Variants in ERC2 observed in about 807,000 individuals in gnomAD.
ERC2 encodes ELKS/RAB6-interacting/CAST family member 2, also known as ERC protein 2.
Under a neutral mutation model 114.8 loss-of-function variants are expected in ERC2, and 42 were observed. The observed-to-expected ratio is 0.37, with a 90% CI of 0.29 to 0.47. The LOEUF is 0.47. ERC2 is among the 20% of genes least tolerant of loss of function. ERC2 has a pLI of 0.99. For missense variants in ERC2, 939 were observed against 1,150.7 expected, an observed-to-expected ratio of 0.82 and a Z score of 2.66; for synonymous variants, 454 against 425.5, an observed-to-expected ratio of 1.07 and a Z score of -0.82.
rs114326908 is a variant in ERC2 at position 55,767,291 on chromosome 3, C to G, written c.2565-32373G>C. Reference sequence around the variant, plus strand: ...GGTTTTTGCCAAGGGTGCCAGCTTCCAAGTCACTACTACTTTTTTCCATTG... The same window carrying G: ...GGTTTTTGCCAAGGGTGCCAGCTTCGAAGTCACTACTACTTTTTTCCATTG... On this transcript the variant is annotated intron_variant, in intron 14 of 17. Transcript: ENST00000288221. Among the ~76,000 whole-genome samples the G allele has an allele frequency of 4.5e-3, 678 of 152,270 alleles. 7 individuals carry two copies. Among genetic ancestry groups the G allele is most frequent in the African/African-American group, 0.015 (632 of 41,550 alleles).
At chr3:55,737,858 TG>T (rs2065736546) in intron 14 of ERC2, among the ~76,000 whole-genome samples, 1 of 152,150 alleles carries the variant, frequency 6.6e-6, no homozygotes. Flanking sequence ...TATTTCTTTT[TG>T]GATCAAAGGG....
chr3:56,358,962 A>G (rs2058845751), intron 2 of ERC2, among the ~76,000 whole-genome samples: 1 of 152,242 alleles, frequency 6.6e-6, no homozygotes, highest in Non-Finnish European at 1.5e-5. Context: ...AAAGAGAATG[A>G]AAAGCAATAA....
intron 7 of ERC2, among the ~76,000 whole-genome samples, chr3:56,048,322 A>G (rs1050671702): frequency 2.0e-5 from 3 of 152,204 alleles, no homozygotes; most frequent in African/African-American, 7.2e-5. Context: ...GGTGACAATG[A>G]TCCCTATTTT....
At chr3:55,900,370 A>G (rs2064068951) in intron 13 of ERC2, among the ~76,000 whole-genome samples, 1 of 152,184 alleles carries the variant, frequency 6.6e-6, no homozygotes, top group Non-Finnish European at 1.5e-5. Context: ...GAAAATCAAA[A>G]CCATTTGTCC....
rs907980040 is a variant in ERC2, at chr3:55,648,577, T to C, written c.*39+35217A>G. Among the ~76,000 whole-genome samples the C allele has an allele frequency of 3.3e-5, 5 of 152,180 alleles. No homozygotes were observed. In the East Asian group the frequency reaches 9.7e-4, roughly 29 times the overall value. Reference sequence around the variant, plus strand: ...CCACTTGAAAGATACCCAGTCTGCATGGTTGTCCCTGAGCAGAGGAGTCAT... The same window carrying C: ...CCACTTGAAAGATACCCAGTCTGCACGGTTGTCCCTGAGCAGAGGAGTCAT... On this transcript the variant is annotated intron_variant, in intron 17 of 17. Transcript: ENST00000288221.
intron 5 of ERC2, among the ~76,000 whole-genome samples, chr3:56,142,359 A>G (rs2080904195): frequency 6.6e-6 from 1 of 152,182 alleles, no homozygotes; most frequent in Admixed American, 6.5e-5. Context: ...GAATCTCAGT[A>G]GACACATGTC....
At chr3:56,255,000 C>G (rs984125416) in intron 3 of ERC2, among the ~76,000 whole-genome samples, 14 of 152,266 alleles carry the variant, frequency 9.2e-5, no homozygotes, top group Middle Eastern at 6.8e-3. Context: ...ATTTGGTATA[C>G]AAATATTATA....
At chr3:56,036,348 C>T (rs1576651967) in intron 7 of ERC2, among the ~76,000 whole-genome samples, 1 of 152,196 alleles carries the variant, frequency 6.6e-6, no homozygotes, top group East Asian at 1.9e-4. Flanking sequence ...TACCTGGCGC[C>T]TTCTTTTCAC....
intron 2 of ERC2, among the ~76,000 whole-genome samples, chr3:56,403,476 G>C (rs2060595952): frequency 6.6e-6 from 1 of 152,174 alleles, no homozygotes; most frequent in Admixed American, 6.5e-5. Flanking sequence ...TGCAGATATA[G>C]AATATTCCCA....
chr3:55,906,282 A>C (rs1242344353), intron 13 of ERC2, among the ~76,000 whole-genome samples: 1 of 151,866 alleles, frequency 6.6e-6, no homozygotes, highest in Non-Finnish European at 1.5e-5. Context: ...AATACAAAAA[A>C]TTAGCCGGGC....
At chr3:56,057,644 G>A (rs1328535315) in intron 7 of ERC2, among the ~76,000 whole-genome samples, 1 of 152,170 alleles carries the variant, frequency 6.6e-6, no homozygotes, top group African/African-American at 2.4e-5. Flanking sequence ...TGTGGGTGTT[G>A]TGAAGATTAA....
intron 14 of ERC2, among the ~76,000 whole-genome samples, chr3:55,809,375 T>C (rs571759313): frequency 1.3e-5 from 2 of 152,084 alleles, no homozygotes; most frequent in Non-Finnish European, 2.9e-5. Context: ...AAAACAAAAG[T>C]AGACAAATGG....
intron 2 of ERC2, among the ~76,000 whole-genome samples, chr3:56,359,259 C>G (rs2058856441): frequency 6.6e-6 from 1 of 152,206 alleles, no homozygotes; most frequent in Admixed American, 6.5e-5. Context: ...TTTTTCCTTT[C>G]TCTACTTCTT....
At chr3:56,393,963 C>A (rs935616168) in intron 2 of ERC2, among the ~76,000 whole-genome samples, 1 of 151,898 alleles carries the variant, frequency 6.6e-6, no homozygotes, top group African/African-American at 2.4e-5. Context: ...AAAAGGAATT[C>A]TCTTTTGCTC....
chr3:56,069,229 C>T (rs527962783), intron 7 of ERC2, among the ~76,000 whole-genome samples: 9 of 152,270 alleles, frequency 5.9e-5, no homozygotes, highest in South Asian at 2.1e-4. Flanking sequence ...TAGTTCCTAG[C>T]GGTGCCACTT....
chr3:55,823,180 G>A (rs1169017475), intron 14 of ERC2, among the ~76,000 whole-genome samples: 3 of 152,090 alleles, frequency 2.0e-5, no homozygotes, highest in Non-Finnish European at 2.9e-5. Flanking sequence ...TGAGAGAGCT[G>A]GCCTCATGAG....
At chr3:56,286,425 A>AAG (rs1432191350) in intron 3 of ERC2, among the ~76,000 whole-genome samples, 1 of 150,542 alleles carries the variant, frequency 6.6e-6, no homozygotes, top group African/African-American at 2.4e-5. Flanking sequence ...AAAAAAAAAA[A>AAG]AAAAAAAAAA....
chr3:55,781,270 C>A (rs1467532111), intron 14 of ERC2, among the ~76,000 whole-genome samples: 2 of 152,126 alleles, frequency 1.3e-5, no homozygotes, highest in Non-Finnish European at 2.9e-5. Flanking sequence ...TCTGCATGAG[C>A]AACTGAAAGC....
chr3:56,175,202 G>A (rs1189904359), intron 3 of ERC2, among the ~76,000 whole-genome samples: 1 of 152,120 alleles, frequency 6.6e-6, no homozygotes, highest in East Asian at 1.9e-4. Flanking sequence ...TACAGCTCTG[G>A]ACCAGGAATC....
Sources: allele counts gnomAD v4.1 joint callset (sites outside exome capture counted in the v4.1 genomes callset), GRCh38; gene constraint gnomAD v4.1.1; transcripts MANE v1.5; gene names NCBI Gene and HGNC (gene_info 2026-07-23, HGNC 2026-07-21).